ANK2: variants seen among roughly 807,000 people sequenced by gnomAD.
The protein encoded by ANK2 is ankyrin-2.
In ANK2, 83 loss-of-function variants were observed where a neutral mutation model predicts 360.5. That is an observed-to-expected ratio of 0.23 (90% CI 0.19 to 0.28). The LOEUF (loss-of-function observed/expected upper bound fraction) is 0.28, where lower values mean the gene tolerates loss of function less well. ANK2 is among the 10% of genes least tolerant of loss of function. ANK2 has a pLI of 1.00. For missense variants in ANK2, 4,201 were observed against 4,795.7 expected (o/e 0.88, Z 3.66); for synonymous variants, 1,740 against 1,759.5 (o/e 0.99, Z 0.28).
At chr4:113,205,133 G>A (rs893376945) in intron 4 of ANK2, among the ~76,000 whole-genome samples, 32 of 150,226 alleles carry the variant, frequency 2.1e-4, no homozygotes, top group Non-Finnish European at 3.0e-5. Flanking sequence ...CTACTTGGGA[G>A]GCTGAGGCAG....
At chr4:112,762,035 G>A in the ANK2 span, among the ~76,000 whole-genome samples, 4 of 152,184 alleles carry the variant, frequency 2.6e-5, no homozygotes, top group Non-Finnish European at 5.9e-5. Context: ...CAACATCTGA[G>A]TTGAGTCTTG....
At chr4:112,742,654 G>A in the ANK2 span, among the ~76,000 whole-genome samples, 3 of 151,962 alleles carry the variant, frequency 2.0e-5, no homozygotes, top group African/African-American at 7.2e-5. Context: ...AAAATGAAAT[G>A]CCAGATAATC....
At chr4:113,274,968 A>T (rs991042160) in intron 15 of ANK2, among the ~76,000 whole-genome samples, 7 of 152,240 alleles carry the variant, frequency 4.6e-5, no homozygotes, top group Admixed American at 1.3e-4. Flanking sequence ...AGATAAATGA[A>T]ATCCCTAAAT....
At chr4:113,281,322 G>C (rs1282262222) in intron 17 of ANK2, among the ~76,000 whole-genome samples, 3 of 152,120 alleles carry the variant, frequency 2.0e-5, no homozygotes, top group African/African-American at 7.2e-5. Context: ...CAGATCGCTT[G>C]AGCTCATGAG....
chr4:113,182,648 ACT>A (rs746282719), intron 2 of ANK2, among the ~76,000 whole-genome samples: 33 of 152,300 alleles, frequency 2.2e-4, no homozygotes, highest in Non-Finnish European at 4.0e-4. Context: ...GAAATGATAA[ACT>A]CTGTAAAATG....
intron 1 of ANK2, among the ~76,000 whole-genome samples, chr4:113,084,161 A>C (rs1013475397): frequency 1.3e-5 from 2 of 152,192 alleles, no homozygotes; most frequent in African/African-American, 4.8e-5. Context: ...ATGGTGCAGG[A>C]GATTGTCACA....
rs760060756 is a variant in ANK2 at position 113,317,832 on chromosome 4, GTC to G, written c.2796+25_2796+26del. The G allele has an allele frequency of 9.6e-4, 1,519 of 1,582,926 alleles. 3 individuals carry two copies. Among genetic ancestry groups the G allele is most frequent in the Non-Finnish European group, 1.1e-3 (1,211 of 1,152,234 alleles). On this transcript the variant is annotated intron_variant, in intron 25 of 45. Transcript: ENST00000357077. ...CAGGTATGTGACATTTTGCCTTCAT[GTC>G]TTTGCTTTCTGGAGAGCTTTGTAAC...
rs941621386 is a variant in ANK2 at position 113,145,900 on chromosome 4, A to G, written c.85-28516A>G. 2.3e-6 allele frequency: 3 copies of G among 1,289,698 alleles called. No individual in the cohort carries two copies. The African/African-American group carries it at 4.6e-5, about 20-fold the overall frequency. The allele number at this position is 1,289,698 out of a possible 1,614,324, so 79.9% of individuals were successfully genotyped here. A position where few individuals can be genotyped will look rare whatever the true frequency, so the allele number is the denominator to read the frequency against. ...AATGCAGCCCTCTGCTCTTCTTGCCATGCGGATAAGAGCATAAGAGCACAA... is the reference window on the plus strand; with the variant it reads ...AATGCAGCCCTCTGCTCTTCTTGCCGTGCGGATAAGAGCATAAGAGCACAA... On this transcript the variant is annotated intron_variant, in intron 1 of 45. Transcript: ENST00000357077.
intron 14 of ANK2, among the ~76,000 whole-genome samples, chr4:113,266,806 G>C (rs540363105): frequency 6.6e-6 from 1 of 152,284 alleles, no homozygotes; most frequent in Admixed American, 6.5e-5. Flanking sequence ...GAACCCGGGA[G>C]GCGGAGGTTG....
At position 113,290,661 on chromosome 4, in the gene ANK2, G is replaced by A. The variant is rs555473746; in HGVS notation, c.2278-1755G>A. 1.4e-4 allele frequency among the ~76,000 whole-genome samples: 21 copies of A among 152,228 alleles called. No homozygotes were observed. The South Asian group carries it at 4.1e-3, about 30-fold the overall frequency. ...AAACAAACAAACAAACAAACAGAAT[G>A]AAAACAACACCACCAAAGTGATTGC... On this transcript the variant is annotated intron_variant, in intron 20 of 45. Transcript: ENST00000357077.
At chr4:113,332,949 C>T (rs1018898970) in intron 28 of ANK2, 105 bp from the exon 29 acceptor site, 5 of 1,547,434 alleles carry the variant, frequency 3.2e-6, no homozygotes. Flanking sequence ...TGTCCCTGTC[C>T]CCAGCAAAAG....
intron 1 of ANK2, among the ~76,000 whole-genome samples, chr4:112,873,592 A>C (rs2074004942): frequency 6.8e-6 from 1 of 147,010 alleles, no homozygotes; most frequent in Admixed American, 6.8e-5. Context: ...GCTGGAGTGC[A>C]GTGGCGTGAT....
chr4:112,896,837 C>A (rs2081907049), intron 1 of ANK2, among the ~76,000 whole-genome samples: 1 of 152,192 alleles, frequency 6.6e-6, no homozygotes, highest in Admixed American at 6.5e-5. Flanking sequence ...CTTACCTGCT[C>A]CTTCCAGTGA....
rs749734339 is a variant in ANK2 at position 113,274,593 on chromosome 4, G to T, written c.1627G>T (p.Val543Leu). ...GCACATCTCTGCCCGGGAGGGCCAG[G>T]TGGATGTGGCATCAGTCCTATTGGA... ...PLHISAREGQVDVASVLLEAG... is the reference protein window; with the variant it reads ...PLHISAREGQLDVASVLLEAG... The change falls in exon 15 of 46, where the codon GTG (valine) becomes TTG (leucine). Residue 543 changes from valine (V) to leucine (L), a missense_variant. Around this residue, in one of 4 missense-constraint regions of ANK2, gnomAD observed 1,268 missense variants for 1,650.8 expected, o/e 0.77. Transcript: ENST00000357077. 1.9e-6 allele frequency: 3 copies of T among 1,614,226 alleles called. No individual in the cohort carries two copies. The highest frequency in any genetic ancestry group is 1.7e-5 in the Admixed American group (1 of 60,026).
At chr4:112,835,347 T>A (rs992032365) in intron 1 of ANK2, among the ~76,000 whole-genome samples, 7 of 152,236 alleles carry the variant, frequency 4.6e-5, no homozygotes, top group Non-Finnish European at 8.8e-5. Context: ...TCTACTATAA[T>A]TTAATTGGTC....
At chr4:113,036,107 A>T (rs2061532905) in intron 2 of ANK2, among the ~76,000 whole-genome samples, 1 of 151,944 alleles carries the variant, frequency 6.6e-6, no homozygotes, top group Non-Finnish European at 1.5e-5. Context: ...GTGGAAAAAG[A>T]AAAGGGAATT....
intron 1 of ANK2, among the ~76,000 whole-genome samples, chr4:113,096,838 T>C (rs1353604976): frequency 6.6e-6 from 1 of 152,020 alleles, no homozygotes; most frequent in Non-Finnish European, 1.5e-5. Context: ...ACAATACTTA[T>C]GCAAGTAGGT....
At chr4:112,970,937 ACAT>A (rs1409838057) in intron 2 of ANK2, among the ~76,000 whole-genome samples, 2 of 152,208 alleles carry the variant, frequency 1.3e-5, no homozygotes, top group African/African-American at 4.8e-5. Flanking sequence ...ATATTTCAAA[ACAT>A]CATGTTGCAC....
chr4:112,806,359 ATGT>A, the ANK2 span, among the ~76,000 whole-genome samples: 1 of 152,166 alleles, frequency 6.6e-6, no homozygotes, highest in Admixed American at 6.5e-5. Context: ...AGTTCCATCC[ATGT>A]TGTTGCAAAT....
Sources: gnomAD v4.1 joint callset for allele counts (sites outside exome capture counted in the v4.1 genomes callset) on GRCh38, gnomAD v4.1.1 for gene constraint, gnomAD v4.1.1 regional missense constraint, MANE v1.5 for transcripts, NCBI Gene and HGNC (gene_info 2026-07-23, HGNC 2026-07-21) for gene names.